JMJD1C: variants seen among roughly 807,000 people sequenced by gnomAD.
The protein encoded by JMJD1C is jumonji domain containing 1C, also known as jumonji domain-containing protein 1C.
Under a neutral mutation model 245.3 loss-of-function variants are expected in JMJD1C, and 31 were observed. The ratio of observed to expected loss-of-function variants is 0.13; its 90% CI spans 0.09 to 0.17. The LOEUF is 0.17. Ranked by LOEUF, JMJD1C falls within the 10% of genes least tolerant of loss-of-function variation. JMJD1C has a pLI of 1.00. For synonymous variants in JMJD1C, 1,057 were observed against 1,017.4 expected, an observed-to-expected ratio of 1.04 and a Z score of -0.74; for missense variants, 2,691 against 3,000.2, an observed-to-expected ratio of 0.90 and a Z score of 2.41.
intron 2 of JMJD1C, among the ~76,000 whole-genome samples, chr10:63,270,488 A>AC (rs1232442388): frequency 1.3e-5 from 2 of 150,836 alleles, no homozygotes; most frequent in Non-Finnish European, 3.0e-5. Flanking sequence ...TTTTTTTGAG[A>AC]CAGGATTTTG....
intron 2 of JMJD1C, among the ~76,000 whole-genome samples, chr10:63,379,802 A>G (rs542723684): frequency 2.0e-5 from 3 of 152,218 alleles, no homozygotes; most frequent in East Asian, 1.9e-4. Context: ...AGAGACACCT[A>G]AAGTTGTTTT....
intron 1 of JMJD1C, among the ~76,000 whole-genome samples, chr10:63,411,401 C>T (rs529409402): frequency 6.7e-5 from 10 of 149,972 alleles, no homozygotes; most frequent in Non-Finnish European, 1.3e-4. Context: ...CGGGGTCAAG[C>T]GATTCTCCTG....
intron 1 of JMJD1C, among the ~76,000 whole-genome samples, chr10:63,500,227 G>C (rs1954502642): frequency 6.6e-6 from 1 of 152,124 alleles, no homozygotes; most frequent in Non-Finnish European, 1.5e-5. Context: ...TTCGAGACCA[G>C]CTTGGGTAAC....
intron 10 of JMJD1C, among the ~76,000 whole-genome samples, chr10:63,206,086 G>A (rs992578292): frequency 2.6e-5 from 4 of 152,162 alleles, no homozygotes; most frequent in African/African-American, 7.2e-5. Context: ...TTTGGTATCC[G>A]TGGGGGCGTC....
chr10:63,442,272 T>C (rs1231031300), intron 1 of JMJD1C, among the ~76,000 whole-genome samples: 2 of 152,176 alleles, frequency 1.3e-5, no homozygotes, highest in Admixed American at 1.3e-4. Flanking sequence ...CCTGGGTATA[T>C]ATCAATTTGA....
At chr10:63,254,326 G>A (rs1325840495) in intron 3 of JMJD1C, among the ~76,000 whole-genome samples, 1 of 152,158 alleles carries the variant, frequency 6.6e-6, no homozygotes, top group Non-Finnish European at 1.5e-5. Context: ...GATTTGGAGT[G>A]TAGCTTGATG....
At chr10:63,294,393 C>T (rs1166897974) in intron 2 of JMJD1C, among the ~76,000 whole-genome samples, 1 of 151,800 alleles carries the variant, frequency 6.6e-6, no homozygotes, top group Non-Finnish European at 1.5e-5. Flanking sequence ...CAAGCAAATT[C>T]TCCTGCCTCG....
At chr10:63,300,817 G>C (rs764820051) in intron 2 of JMJD1C, among the ~76,000 whole-genome samples, 5 of 151,884 alleles carry the variant, frequency 3.3e-5, no homozygotes, top group Admixed American at 6.6e-5. Context: ...ACTCGAACCC[G>C]GGAGAAAGGG....
At chr10:63,253,495 T>G (rs1267646438) in intron 3 of JMJD1C, among the ~76,000 whole-genome samples, 1 of 152,006 alleles carries the variant, frequency 6.6e-6, no homozygotes, top group African/African-American at 2.4e-5. Flanking sequence ...ACGATTCTCC[T>G]GCCTCAGACT....
chr10:63,297,051 G>A (rs962294379), intron 2 of JMJD1C, among the ~76,000 whole-genome samples: 1 of 152,090 alleles, frequency 6.6e-6, no homozygotes, highest in African/African-American at 2.4e-5. Flanking sequence ...CATCTCCTTT[G>A]GCATCTTTTC....
At chr10:63,486,154 A>C (rs1319776937) in intron 1 of JMJD1C, among the ~76,000 whole-genome samples, 7 of 54,776 alleles carry the variant, frequency 1.3e-4, no homozygotes, top group Non-Finnish European at 2.0e-4. Flanking sequence ...AAAAAAAAAA[A>C]AAAAAAAAAA....
chr10:63,274,773 T>C (rs1256708516), intron 2 of JMJD1C, among the ~76,000 whole-genome samples: 1 of 152,152 alleles, frequency 6.6e-6, no homozygotes, highest in South Asian at 2.1e-4. Flanking sequence ...ATAAAATGGC[T>C]TCTATGTGCA....
chr10:63,348,356 C>A (rs144951028), intron 2 of JMJD1C, among the ~76,000 whole-genome samples: 5 of 152,250 alleles, frequency 3.3e-5, no homozygotes, highest in African/African-American at 9.6e-5. Context: ...TGAAGATATA[C>A]TGGCTATCTG....
rs7905254 is a variant in JMJD1C at position 63,191,129 on chromosome 10, G to A, written c.6077-21C>T. The stretch of plus-strand genomic sequence containing the variant: ...GTTTTCTGAAATAGAAAATTTCACA[G>A]ATTTTGTTTTGTTTTGTTTTGAGAC... On this transcript the variant is annotated intron_variant, in intron 16 of 25. Coordinates refer to ENST00000399262, the MANE Select transcript of JMJD1C (RefSeq NM_032776.3). 2.5e-4 allele frequency: 390 copies of A among 1,586,578 alleles called. 2 individuals are homozygous for A. In the African/African-American group the frequency reaches 4.7e-3, roughly 19 times the overall value.
intron 2 of JMJD1C, among the ~76,000 whole-genome samples, chr10:63,353,555 A>AC (rs1944539839): frequency 6.6e-6 from 1 of 152,010 alleles, no homozygotes; most frequent in Non-Finnish European, 1.5e-5. Context: ...TCACTCTATC[A>AC]CCCAGGCTGG....
At chr10:63,193,945 C>T (rs923909564) in intron 14 of JMJD1C, among the ~76,000 whole-genome samples, 1 of 152,218 alleles carries the variant, frequency 6.6e-6, no homozygotes, top group South Asian at 2.1e-4. Context: ...GGATTACAGG[C>T]GTGAGCCACT....
At chr10:63,421,376 C>T (rs192058673) in intron 1 of JMJD1C, among the ~76,000 whole-genome samples, 24 of 152,134 alleles carry the variant, frequency 1.6e-4, no homozygotes, top group African/African-American at 5.5e-4. Flanking sequence ...CTATATAGAG[C>T]AAAGCAAGAA....
intron 1 of JMJD1C, among the ~76,000 whole-genome samples, chr10:63,494,834 T>C (rs1177035457): frequency 1.3e-5 from 2 of 152,184 alleles, no homozygotes; most frequent in South Asian, 2.1e-4. Flanking sequence ...AGGTCACTAA[T>C]ACAGAGAGAA....
intron 3 of JMJD1C, chr10:63,222,900 A>G: frequency 2.0e-6 from 3 of 1,498,306 alleles, no homozygotes; most frequent in South Asian, 1.1e-5. Flanking sequence ...AAGAAGTGGG[A>G]AAGTGGGCAC....
Sources: gnomAD v4.1 joint callset for allele counts (sites outside exome capture counted in the v4.1 genomes callset) on GRCh38, gnomAD v4.1.1 for gene constraint, MANE v1.5 for transcripts, NCBI Gene and HGNC (gene_info 2026-07-23, HGNC 2026-07-21) for gene names.